AKAP19: variants seen among roughly 807,000 people sequenced by gnomAD.
The protein encoded by AKAP19 is small A-kinase anchoring protein.
the AKAP19 span, among the ~76,000 whole-genome samples, chr2:190,122,828 G>C: frequency 6.9e-6 from 1 of 145,540 alleles, no homozygotes; most frequent in Non-Finnish European, 1.5e-5. Flanking sequence ...TTTTTTGTTA[G>C]AGACAAGGAC....
chr2:189,983,898 C>T, the AKAP19 span, among the ~76,000 whole-genome samples: 1 of 152,166 alleles, frequency 6.6e-6, no homozygotes, highest in Admixed American at 6.5e-5. Context: ...GGGAAGACTT[C>T]ACACATTGGT....
At chr2:190,073,092 A>G in the AKAP19 span, among the ~76,000 whole-genome samples, 1 of 152,288 alleles carries the variant, frequency 6.6e-6, no homozygotes, top group South Asian at 2.1e-4. Flanking sequence ...TAATTTATCA[A>G]TATAAAGAAT....
At chr2:190,198,122 G>A in the AKAP19 span, among the ~76,000 whole-genome samples, 1 of 152,112 alleles carries the variant, frequency 6.6e-6, no homozygotes, top group Non-Finnish European at 1.5e-5. Flanking sequence ...GCGTGAAGCA[G>A]GGCATACAGA....
chr2:190,010,844 A>ACCC, the AKAP19 span, among the ~76,000 whole-genome samples: 1 of 152,186 alleles, frequency 6.6e-6, no homozygotes, highest in Non-Finnish European at 1.5e-5. Flanking sequence ...GCTAGTTAAT[A>ACCC]TATCACCTCA....
the AKAP19 span, among the ~76,000 whole-genome samples, chr2:190,185,945 T>C: frequency 1.6e-4 from 25 of 152,232 alleles, no homozygotes; most frequent in South Asian, 8.3e-4. Context: ...GCTTTACATA[T>C]AGATTCACAA....
At chr2:189,928,017 A>G in the AKAP19 span, among the ~76,000 whole-genome samples, 2 of 152,162 alleles carry the variant, frequency 1.3e-5, no homozygotes, top group South Asian at 2.1e-4. Context: ...TGTTTCAGGA[A>G]TGATTGCGCA....
chr2:190,031,515 G>T, the AKAP19 span, among the ~76,000 whole-genome samples: 1 of 151,498 alleles, frequency 6.6e-6, no homozygotes, highest in African/African-American at 2.4e-5. Flanking sequence ...CTTGACAATG[G>T]TGGCAAAATA....
chr2:190,130,465 A>G, the AKAP19 span, among the ~76,000 whole-genome samples: 1 of 152,230 alleles, frequency 6.6e-6, no homozygotes, highest in Non-Finnish European at 1.5e-5. Context: ...AATTTAGTAG[A>G]TACATACAGT....
the AKAP19 span, among the ~76,000 whole-genome samples, chr2:189,963,379 T>C: frequency 6.6e-6 from 1 of 151,976 alleles, no homozygotes. Context: ...GTATTTTTAG[T>C]AGAGACAGGG....
the AKAP19 span, chr2:189,924,243 T>C: frequency 2.1e-6 from 3 of 1,411,358 alleles, no homozygotes; most frequent in Non-Finnish European, 3.0e-6. Flanking sequence ...AGAAATCTTA[T>C]CCCATTATTT....
chr2:189,981,166 T>G, the AKAP19 span, among the ~76,000 whole-genome samples: 10 of 152,250 alleles, frequency 6.6e-5, no homozygotes, highest in Non-Finnish European at 1.5e-4. Flanking sequence ...CTAGCAGTAT[T>G]TGTTTTTTAA....
At chr2:190,053,360 A>T in the AKAP19 span, among the ~76,000 whole-genome samples, 6 of 152,146 alleles carry the variant, frequency 3.9e-5, no homozygotes, top group Non-Finnish European at 8.8e-5. Context: ...AAAATATTTA[A>T]ATATTCCTTC....
chr2:189,963,080 A>G, the AKAP19 span, among the ~76,000 whole-genome samples: 1 of 152,166 alleles, frequency 6.6e-6, no homozygotes, highest in Admixed American at 6.5e-5. Context: ...CATCTTCACC[A>G]GAAGTAGATT....
At chr2:190,110,430 A>G in the AKAP19 span, among the ~76,000 whole-genome samples, 2 of 152,208 alleles carry the variant, frequency 1.3e-5, no homozygotes, top group Non-Finnish European at 2.9e-5. Flanking sequence ...ATTCTATTGT[A>G]ATACTATTTT....
At chr2:190,102,244 C>T in the AKAP19 span, among the ~76,000 whole-genome samples, 426 of 151,562 alleles carry the variant, frequency 2.8e-3, 3 homozygotes, top group African/African-American at 9.6e-3. Flanking sequence ...TTAGAAAGAC[C>T]CCAAATTAAT....
At chr2:190,094,054 G>C in the AKAP19 span, among the ~76,000 whole-genome samples, 1 of 152,200 alleles carries the variant, frequency 6.6e-6, no homozygotes, top group Non-Finnish European at 1.5e-5. Context: ...ACCCCTGCAA[G>C]AGTGTTTATC....
At chr2:190,074,604 T>C in the AKAP19 span, among the ~76,000 whole-genome samples, 3 of 151,398 alleles carry the variant, frequency 2.0e-5, no homozygotes, top group Non-Finnish European at 2.9e-5. Flanking sequence ...TGAGCTGAGA[T>C]ATCACACCAC....
At chr2:190,114,840 A>T in the AKAP19 span, among the ~76,000 whole-genome samples, 1 of 152,252 alleles carries the variant, frequency 6.6e-6, no homozygotes. Context: ...GCTATTCAAA[A>T]GTCTAATGCC....
the AKAP19 span, among the ~76,000 whole-genome samples, chr2:189,940,438 A>T: frequency 1.3e-5 from 2 of 150,968 alleles, no homozygotes; most frequent in African/African-American, 2.4e-5. Flanking sequence ...GGGGGGGAAA[A>T]AAAGAAAAGA....
Sources: allele counts gnomAD v4.1 joint callset (sites outside exome capture counted in the v4.1 genomes callset), GRCh38; gene constraint gnomAD v4.1.1; transcripts MANE v1.5; gene names NCBI Gene and HGNC (gene_info 2026-07-23, HGNC 2026-07-21).